Variants in ENKUR observed in about 807,000 individuals in gnomAD.
The protein encoded by ENKUR is enkurin, TRPC channel interacting protein.
Under a neutral mutation model 27.6 loss-of-function variants are expected in ENKUR, and 19 were observed. That is an observed-to-expected ratio of 0.69 (90% CI 0.48 to 1.01). The LOEUF is 1.01. ENKUR is among the 50% of genes least tolerant of loss of function. The probability of loss-of-function intolerance (pLI) is 0.00; values close to 1 mark genes in which losing one functional copy is unlikely to be tolerated. For missense variants in ENKUR, 312 were observed against 310.5 expected, an observed-to-expected ratio of 1.00 and a Z score of -0.04; for synonymous variants, 117 against 96.9, an observed-to-expected ratio of 1.21 and a Z score of -1.22.
chr10:25,004,763 A>T (rs572439664), intron 1 of ENKUR, among the ~76,000 whole-genome samples: 1 of 152,212 alleles, frequency 6.6e-6, no homozygotes, highest in Admixed American at 6.5e-5. Flanking sequence ...TCTTTACTTT[A>T]ATTAGATCCC....
chr10:25,005,522 A>G (rs534856440), intron 1 of ENKUR, among the ~76,000 whole-genome samples: 8 of 152,032 alleles, frequency 5.3e-5, no homozygotes, highest in Non-Finnish European at 1.2e-4. Flanking sequence ...TTCTTTTTCA[A>G]TTTTTCCCAG....
intron 3 of ENKUR, among the ~76,000 whole-genome samples, chr10:24,995,353 C>T (rs1392068930): frequency 6.6e-6 from 1 of 152,040 alleles, no homozygotes; most frequent in Admixed American, 6.5e-5. Context: ...TTCCAACTAA[C>T]CAAAAATATC....
intron 2 of ENKUR, among the ~76,000 whole-genome samples, chr10:25,048,196 A>C (rs372688368): frequency 1.4e-4 from 21 of 152,224 alleles, no homozygotes; most frequent in African/African-American, 5.1e-4. Context: ...TAAGCCAAGG[A>C]GTATTAGTAA....
intron 2 of ENKUR, among the ~76,000 whole-genome samples, chr10:25,033,353 A>G (rs1185787004): frequency 2.2e-5 from 3 of 134,718 alleles, no homozygotes; most frequent in African/African-American, 8.3e-5. Flanking sequence ...GCCGTGAGCT[A>G]TGATTGTGCC....
intron 1 of ENKUR, among the ~76,000 whole-genome samples, chr10:25,005,751 G>T (rs1023812826): frequency 2.0e-5 from 3 of 152,182 alleles, no homozygotes; most frequent in Admixed American, 2.0e-4. Flanking sequence ...CCCCCAGCCT[G>T]GTTGTCTGTC....
intron 2 of ENKUR, among the ~76,000 whole-genome samples, chr10:25,054,955 G>A (rs1351796770): frequency 3.3e-5 from 5 of 152,134 alleles, no homozygotes; most frequent in South Asian, 2.1e-4. Context: ...GATTACAGGC[G>A]TGAGCCACTG....
At chr10:25,038,766 G>C (rs1281616742) in intron 2 of ENKUR, among the ~76,000 whole-genome samples, 3 of 152,134 alleles carry the variant, frequency 2.0e-5, no homozygotes, top group African/African-American at 7.2e-5. Context: ...CACCTGAACC[G>C]AATGGGAGAA....
In ENKUR at chr10:25,036,193, T is replaced by G. The variant is rs184055322; in HGVS notation, c.37+24919A>C. Among the ~76,000 whole-genome samples, 231 of 152,222 alleles carry G rather than the reference T, an allele frequency of 1.5e-3. 1 individual carries two copies. The highest frequency in any genetic ancestry group is 2.3e-3 in the Non-Finnish European group (157 of 67,998). On this transcript the variant is annotated intron_variant, in intron 2 of 5. Coordinates refer to the ENKUR transcript ENST00000615958. ...CCCACATGTTGTAGGAGGGACCTGG[T>G]GGGAGATAATTGAATCATGGGGGTG...
chr10:25,050,771 T>C (rs1176722236), intron 2 of ENKUR, among the ~76,000 whole-genome samples: 1 of 152,110 alleles, frequency 6.6e-6, no homozygotes, highest in East Asian at 1.9e-4. Context: ...AAGGAGGTAA[T>C]GCTGTCAAAA....
Position 25,033,849 on chromosome 10 carries a change from ATCTATCTATCTATCT to A in ENKUR, c.37+27248_37+27262del, listed in dbSNP as rs1564353900. 5.1e-3 allele frequency among the ~76,000 whole-genome samples: 771 copies of A among 151,692 alleles called. 5 individuals are homozygous for A. Among genetic ancestry groups the A allele is most frequent in the African/African-American group, 0.018 (730 of 41,368 alleles). On this transcript the variant is annotated intron_variant, in intron 2 of 5. Transcript: ENST00000615958. ...TGTCTATCTATCTATCTATCTATCTATCTATCTATCTATCTATCAATCATCTATTGTCTGTCTGTC... is the reference window on the plus strand; with the variant it reads ...TGTCTATCTATCTATCTATCTATCTAATCAATCATCTATTGTCTGTCTGTC...
At chr10:24,985,219 A>G (rs973974297) in intron 4 of ENKUR, among the ~76,000 whole-genome samples, 10 of 152,230 alleles carry the variant, frequency 6.6e-5, no homozygotes, top group Non-Finnish European at 1.3e-4. Context: ...TAAAGCTCAC[A>G]GCAAATGCAT....
intron 2 of ENKUR, among the ~76,000 whole-genome samples, chr10:25,039,921 C>T (rs892768708): frequency 1.4e-5 from 2 of 147,492 alleles, no homozygotes; most frequent in Admixed American, 6.9e-5. Flanking sequence ...CACATGTACC[C>T]TAGAACTTAA....
At chr10:25,054,477 C>CTTTT (rs1851225476) in intron 2 of ENKUR, among the ~76,000 whole-genome samples, 2 of 108,950 alleles carry the variant, frequency 1.8e-5, no homozygotes, top group Admixed American at 2.1e-4. Flanking sequence ...TTCTTTCTTT[C>CTTTT]TTTCTTTCTT....
intron 2 of ENKUR, among the ~76,000 whole-genome samples, chr10:24,997,448 G>T (rs1850089996): frequency 6.7e-6 from 1 of 148,998 alleles, no homozygotes; most frequent in Non-Finnish European, 1.5e-5. Context: ...GTGCAGTGAT[G>T]CAATCATAGC....
At chr10:24,991,708 G>A (rs1849933199) in intron 3 of ENKUR, among the ~76,000 whole-genome samples, 1 of 152,162 alleles carries the variant, frequency 6.6e-6, no homozygotes, top group African/African-American at 2.4e-5. Flanking sequence ...CCAAGCCCAC[G>A]TGTGATCCAA....
chr10:25,034,657 G>A (rs1278902131), intron 2 of ENKUR, among the ~76,000 whole-genome samples: 2 of 152,114 alleles, frequency 1.3e-5, no homozygotes, highest in South Asian at 2.1e-4. Flanking sequence ...GTCAACATGG[G>A]TCATTACCAG....
In ENKUR at chr10:25,059,378, C is replaced by G. The variant is rs552573451; in HGVS notation, c.37+1734G>C. Among the ~76,000 whole-genome samples, 3 of 152,060 alleles carry G rather than the reference C, an allele frequency of 2.0e-5. No homozygotes were observed. The East Asian group carries it at 5.8e-4, about 29-fold the overall frequency. On this transcript the variant is annotated intron_variant, in intron 2 of 5. Coordinates refer to the ENKUR transcript ENST00000615958. Reference sequence around the variant, plus strand: ...AACTCCTGACCTCAGGTGATCCACCCGCCTCAGCCTCCCAAAGTGCTGGGA... The same window carrying G: ...AACTCCTGACCTCAGGTGATCCACCGGCCTCAGCCTCCCAAAGTGCTGGGA...
intron 1 of ENKUR, among the ~76,000 whole-genome samples, chr10:25,002,598 T>C (rs936638587): frequency 3.3e-5 from 5 of 152,216 alleles, no homozygotes; most frequent in Non-Finnish European, 5.9e-5. Flanking sequence ...ATTTTTTTTC[T>C]GGTGTTCTAG....
In ENKUR at chr10:25,016,149, C is replaced by A; in HGVS notation, c.-213G>T. On this transcript the variant is annotated 5_prime_UTR_variant, in exon 1 of 6. Coordinates refer to ENST00000331161, the MANE Select transcript of ENKUR (RefSeq NM_145010.4). ...TATTTCTCTCCGGATTGCTAAGCGT[C>A]GTTGACTGTGCGGTTGCCGTGGAAA... 3.3e-6 allele frequency: 4 copies of A among 1,219,958 alleles called. No homozygotes were observed. The highest frequency in any genetic ancestry group is 4.1e-6 in the Non-Finnish European group (4 of 978,344). 75.6% of individuals were successfully genotyped at this position (1,219,958 alleles called of 1,614,324 possible).
Sources: allele counts gnomAD v4.1 joint callset (sites outside exome capture counted in the v4.1 genomes callset), GRCh38; gene constraint gnomAD v4.1.1; transcripts MANE v1.5; gene names NCBI Gene and HGNC (gene_info 2026-07-23, HGNC 2026-07-21).